Variants in SLC35D1 observed in about 807,000 individuals in gnomAD.
SLC35D1 encodes the protein nucleotide sugar transporter SLC35D1.
Under a neutral mutation model 46.7 loss-of-function variants are expected in SLC35D1, and 31 were observed. The ratio of observed to expected loss-of-function variants is 0.66; its 90% confidence interval spans 0.50 to 0.90. SLC35D1 has a LOEUF of 0.90. SLC35D1 is among the 40% of genes least tolerant of loss of function. SLC35D1 has a pLI of 0.00. For missense variants in SLC35D1, 397 were observed against 426.2 expected (o/e 0.93, Z 0.60); for synonymous variants, 195 against 164.6 (o/e 1.18, Z -1.41).
chr1:66,993,244 G>A, the SLC35D1 span, among the ~76,000 whole-genome samples: 1 of 152,200 alleles, frequency 6.6e-6, no homozygotes. Context: ...ACTACATGGA[G>A]TACAAAACAG....
the SLC35D1 span, among the ~76,000 whole-genome samples, chr1:66,984,220 G>T: frequency 1.3e-5 from 2 of 151,636 alleles, no homozygotes; most frequent in African/African-American, 4.9e-5. Flanking sequence ...ATTCAGCTTA[G>T]TTAGACTGCT....
chr1:67,047,492 T>C, intron 6 of SLC35D1, 125 bp from the exon 7 acceptor site: 1 of 825,140 alleles, frequency 1.2e-6, no homozygotes, highest in Admixed American at 2.1e-5. Flanking sequence ...AGGCATTTTA[T>C]CAGCTACTAG....
chr1:67,049,272 C>T (rs1444275525), intron 6 of SLC35D1, among the ~76,000 whole-genome samples: 1 of 149,312 alleles, frequency 6.7e-6, no homozygotes, highest in Non-Finnish European at 1.5e-5. Context: ...CCAGCCTGGG[C>T]GACAGAGCAA....
At chr1:67,037,874 T>A (rs986849250) in intron 8 of SLC35D1, among the ~76,000 whole-genome samples, 7 of 152,142 alleles carry the variant, frequency 4.6e-5, no homozygotes, top group African/African-American at 1.7e-4. Flanking sequence ...TGAATCCTTA[T>A]CTGAAAGTAA....
chr1:66,987,399 C>T, the SLC35D1 span: 4 of 152,652 alleles, frequency 2.6e-5, no homozygotes, highest in Non-Finnish European at 5.9e-5. Flanking sequence ...CTCATTCCCA[C>T]CCCCAACAAA....
chr1:66,993,869 T>C, the SLC35D1 span, among the ~76,000 whole-genome samples: 1 of 152,224 alleles, frequency 6.6e-6, no homozygotes, highest in Admixed American at 6.5e-5. Flanking sequence ...CTTCAAATAT[T>C]ACCTTTTTGG....
At chr1:67,029,726 T>C (rs1667980883) in intron 8 of SLC35D1, among the ~76,000 whole-genome samples, 1 of 152,228 alleles carries the variant, frequency 6.6e-6, no homozygotes, top group Non-Finnish European at 1.5e-5. Flanking sequence ...CACCTGCTTG[T>C]ACATGCTACT....
At chr1:67,039,526 C>T (rs561757200) in intron 8 of SLC35D1, among the ~76,000 whole-genome samples, 2,082 of 54,816 alleles carry the variant, frequency 0.038, 21 homozygotes, top group Middle Eastern at 0.081. Context: ...TGTGTGCGCG[C>T]GTGGGGGGTA....
chr1:67,052,082 A>G lies in SLC35D1; in HGVS notation c.325-3T>C, dbSNP rs762963339. The G allele has an allele frequency of 7.5e-6, 12 of 1,593,414 alleles. No homozygotes were observed. In the African/African-American group the frequency reaches 1.6e-4, roughly 21 times the overall value. On this transcript the variant is annotated splice_polypyrimidine_tract_variant and splice_region_variant and intron_variant, in intron 3 of 11. Coordinates refer to ENST00000235345, the MANE Select transcript of SLC35D1 (RefSeq NM_015139.3). ...TATAGTAGAGGTAGTGGAAACGTCT[A>G]GAAAATTTAAAAAGGGATAACAAAA...
chr1:67,021,718 GACACAGACAC>G lies in SLC35D1; in HGVS notation c.730-126_730-117del, dbSNP rs1348716523. On this transcript the variant is annotated intron_variant, in intron 8 of 11. Coordinates refer to ENST00000235345, the MANE Select transcript of SLC35D1 (RefSeq NM_015139.3). ...CAACACAGACACAGACACAGACACA[GACACAGACAC>G]ACACACACACACACACACACACACA... 6.4e-3 allele frequency: 2,883 copies of G among 448,804 alleles called. 5 individuals are homozygous for G. Among genetic ancestry groups the G allele is most frequent in the South Asian group, 0.016 (815 of 50,430 alleles). The allele number at this position is 448,804 out of a possible 1,614,324, so 27.8% of individuals were successfully genotyped here. A position where few individuals can be genotyped will look rare whatever the true frequency, so the allele number is the denominator to read the frequency against.
At chr1:67,028,725 C>T (rs1033998883) in intron 8 of SLC35D1, among the ~76,000 whole-genome samples, 4 of 152,176 alleles carry the variant, frequency 2.6e-5, no homozygotes, top group African/African-American at 9.7e-5. Context: ...TATTGCCCCA[C>T]AGGTCACTAA....
At chr1:67,031,624 A>G (rs1286273293) in intron 8 of SLC35D1, among the ~76,000 whole-genome samples, 1 of 152,130 alleles carries the variant, frequency 6.6e-6, no homozygotes, top group Admixed American at 6.6e-5. Context: ...GTTACCAATC[A>G]GTGAGTCAAA....
the SLC35D1 span, chr1:66,981,996 G>C: frequency 6.7e-7 from 1 of 1,500,760 alleles, no homozygotes; most frequent in Non-Finnish European, 9.2e-7. Flanking sequence ...ATTCCGTTTG[G>C]GTTTCTATTA....
At chr1:66,985,782 A>C in the SLC35D1 span, 1 of 910,012 alleles carries the variant, frequency 1.1e-6, no homozygotes, top group South Asian at 5.1e-5. Flanking sequence ...TTTCTTATCC[A>C]GGTGGTTAAA....
intron 10 of SLC35D1, among the ~76,000 whole-genome samples, chr1:67,018,531 T>G (rs1352164444): frequency 6.6e-6 from 1 of 152,174 alleles, no homozygotes; most frequent in African/African-American, 2.4e-5. Context: ...AAACTAAGAC[T>G]GCAATTCTCA....
chr1:67,043,089 G>T (rs1264765626), intron 7 of SLC35D1, among the ~76,000 whole-genome samples: 1 of 152,108 alleles, frequency 6.6e-6, no homozygotes, highest in Non-Finnish European at 1.5e-5. Flanking sequence ...CAGCTACTTG[G>T]GAGGCTGAGG....
downstream of SLC35D1, among the ~76,000 whole-genome samples, chr1:66,995,129 C>A (rs1232300196): frequency 1.3e-5 from 2 of 152,144 alleles, no homozygotes; most frequent in African/African-American, 4.8e-5. Flanking sequence ...GTGATCCCCA[C>A]CTGACAGTCA....
intron 9 of SLC35D1, 78 bp downstream of exon 9, chr1:67,021,457 T>C (rs1570619060): frequency 2.1e-6 from 3 of 1,435,252 alleles, no homozygotes; most frequent in Non-Finnish European, 2.9e-6. Context: ...CCTAAAGATA[T>C]TGAGAAAAGA....
In SLC35D1 at chr1:67,007,721, T is replaced by C. The variant is rs138696071; in HGVS notation, c.959+1364A>G. On this transcript the variant is annotated intron_variant, in intron 11 of 11. Transcript: ENST00000235345. ...GAACTATAATTTGCTCTCTAGCAGC[T>C]TTGGGGAAGGGGAAAACTAGAAGGA... Among the ~76,000 whole-genome samples, 195 of 152,154 alleles carry C rather than the reference T, an allele frequency of 1.3e-3. 2 individuals carry two copies. In the East Asian group the frequency reaches 0.021, roughly 17 times the overall value.
Sources: gnomAD v4.1 joint callset for allele counts (sites outside exome capture counted in the v4.1 genomes callset) on GRCh38, gnomAD v4.1.1 for gene constraint, MANE v1.5 for transcripts, NCBI Gene and HGNC (gene_info 2026-07-23, HGNC 2026-07-21) for gene names.